BNC2: variants seen among roughly 807,000 people sequenced by gnomAD.
BNC2 encodes the protein zinc finger protein basonuclin-2.
Under a neutral mutation model 76.3 loss-of-function variants are expected in BNC2, and 20 were observed. The ratio of observed to expected loss-of-function variants is 0.26; its 90% CI spans 0.18 to 0.38. The LOEUF is 0.38. BNC2 is among the 10% of genes least tolerant of loss of function. The probability of loss-of-function intolerance (pLI) is 1.00; values close to 1 mark genes in which losing one functional copy is unlikely to be tolerated. For synonymous variants in BNC2, 582 were observed against 514.8 expected (o/e 1.13, Z -1.77); for missense variants, 1,382 against 1,399.8 (o/e 0.99, Z 0.20).
chr9:16,746,984 T>C (rs1980936), intron 1 of BNC2, among the ~76,000 whole-genome samples: 2 of 149,918 alleles, frequency 1.3e-5, no homozygotes, highest in Non-Finnish European at 3.0e-5. Flanking sequence ...AATTAATCCA[T>C]GTAATTGAAA....
intron 6 of BNC2, among the ~76,000 whole-genome samples, chr9:16,425,797 G>A (rs963876206): frequency 1.3e-5 from 2 of 152,202 alleles, no homozygotes; most frequent in African/African-American, 2.4e-5. Flanking sequence ...AAAACAATTT[G>A]TCATTGCTGT....
chr9:16,833,883 C>T (rs1818640702), intron 1 of BNC2, among the ~76,000 whole-genome samples: 1 of 152,162 alleles, frequency 6.6e-6, no homozygotes, highest in Admixed American at 6.6e-5. Flanking sequence ...CAGCATTACT[C>T]TACTAGGTTC....
chr9:16,721,562 C>T (rs1824158189), intron 3 of BNC2, among the ~76,000 whole-genome samples: 1 of 152,152 alleles, frequency 6.6e-6, no homozygotes, highest in Admixed American at 6.5e-5. Context: ...CACTGAGCAG[C>T]ACCATAAACA....
chr9:16,692,939 G>A (rs1032032304), intron 3 of BNC2, among the ~76,000 whole-genome samples: 1 of 152,004 alleles, frequency 6.6e-6, no homozygotes, highest in Non-Finnish European at 1.5e-5. Context: ...ACACTAGCCT[G>A]GCCGACATGG....
At chr9:16,459,177 G>T (rs1887620) in intron 5 of BNC2, among the ~76,000 whole-genome samples, 45,198 of 152,032 alleles carry the variant, frequency 0.3, 6,864 homozygotes, top group Admixed American at 0.38. Flanking sequence ...AGAATTCAGT[G>T]TCATGAATCG....
intron 6 of BNC2, among the ~76,000 whole-genome samples, chr9:16,434,104 G>A (rs1820956231): frequency 6.6e-6 from 1 of 151,924 alleles, no homozygotes; most frequent in African/African-American, 2.4e-5. Flanking sequence ...AAATGGGGGT[G>A]GGAAAATCAT....
chr9:16,542,646 C>T (rs1818359261), intron 5 of BNC2, among the ~76,000 whole-genome samples: 2 of 152,212 alleles, frequency 1.3e-5, no homozygotes, highest in African/African-American at 4.8e-5. Context: ...TCAGACAAAT[C>T]AAGAAGAGCT....
chr9:16,670,563 T>C (rs1038043118), intron 3 of BNC2, among the ~76,000 whole-genome samples: 2 of 152,214 alleles, frequency 1.3e-5, no homozygotes, highest in Non-Finnish European at 2.9e-5. Context: ...ATAACTGTTT[T>C]ATGCTTTAGT....
intron 5 of BNC2, among the ~76,000 whole-genome samples, chr9:16,458,512 G>T (rs982868536): frequency 2.0e-5 from 3 of 152,166 alleles, no homozygotes; most frequent in African/African-American, 7.2e-5. Context: ...CTACAAATAT[G>T]ATATACCCTA....
chr9:16,683,265 G>A (rs1018476635), intron 3 of BNC2, among the ~76,000 whole-genome samples: 5 of 152,126 alleles, frequency 3.3e-5, no homozygotes, highest in African/African-American at 9.7e-5. Flanking sequence ...AGGTTTAAAA[G>A]GAAGAAGGCA....
At chr9:16,480,776 T>C (rs1002801988) in intron 5 of BNC2, among the ~76,000 whole-genome samples, 1 of 152,210 alleles carries the variant, frequency 6.6e-6, no homozygotes, top group Non-Finnish European at 1.5e-5. Flanking sequence ...CAGTCCGCCA[T>C]GCCTGAGCCT....
At chr9:16,506,575 G>C (rs1408445946) in intron 5 of BNC2, among the ~76,000 whole-genome samples, 5 of 122,916 alleles carry the variant, frequency 4.1e-5, no homozygotes, top group African/African-American at 9.6e-5. Flanking sequence ...CCCAGGCTTG[G>C]AATGCAATGG....
chr9:16,578,741 G>T (rs1819552447), intron 4 of BNC2, among the ~76,000 whole-genome samples: 1 of 152,062 alleles, frequency 6.6e-6, no homozygotes, highest in South Asian at 2.1e-4. Flanking sequence ...ACCAAAAAGA[G>T]CTCTAAAAAA....
chr9:16,854,642 G>GA lies in BNC2; in HGVS notation c.3+16003dup, dbSNP rs1188446895. ...GGCAGTAGCATGAGGTATCCCCCAA[G>GA]AAAATTTGAAACGAGTGAAATGAGA... On this transcript the variant is annotated intron_variant, in intron 1 of 6. Transcript: ENST00000380672. Among the ~76,000 whole-genome samples, 10 of 151,874 alleles carry GA rather than the reference G, an allele frequency of 6.6e-5. No individual in the cohort carries two copies. The South Asian group carries it at 2.1e-3, about 32-fold the overall frequency.
At chr9:16,469,963 C>T (rs373511087) in intron 5 of BNC2, among the ~76,000 whole-genome samples, 1 of 150,606 alleles carries the variant, frequency 6.6e-6, no homozygotes, top group African/African-American at 2.4e-5. Flanking sequence ...CAGCAAAGCA[C>T]TCAACACTTG....
chr9:16,811,276 C>A (rs1252249262), intron 1 of BNC2, among the ~76,000 whole-genome samples: 2 of 145,694 alleles, frequency 1.4e-5, no homozygotes, highest in East Asian at 2.0e-4. Flanking sequence ...GGGGGCCAGG[C>A]ACGGTGGCTC....
chr9:16,812,166 T>TTA (rs1818070510), intron 1 of BNC2, among the ~76,000 whole-genome samples: 1 of 152,198 alleles, frequency 6.6e-6, no homozygotes, highest in Non-Finnish European at 1.5e-5. Flanking sequence ...GCACAGATCC[T>TTA]CAGTCTCTGG....
At chr9:16,720,331 G>C (rs10962550) in intron 3 of BNC2, among the ~76,000 whole-genome samples, 29,633 of 152,210 alleles carry the variant, frequency 0.19, 2,866 homozygotes, top group East Asian at 0.29. Flanking sequence ...CAGAATGAGA[G>C]AGATGAGAAG....
intron 6 of BNC2, among the ~76,000 whole-genome samples, chr9:16,427,688 G>C (rs1017734446): frequency 6.6e-5 from 10 of 152,160 alleles, no homozygotes; most frequent in Non-Finnish European, 1.2e-4. Context: ...TCAAATCCCA[G>C]TCACGCATGA....
Sources: allele counts gnomAD v4.1 joint callset (sites outside exome capture counted in the v4.1 genomes callset), GRCh38; gene constraint gnomAD v4.1.1; transcripts MANE v1.5; gene names NCBI Gene and HGNC (gene_info 2026-07-23, HGNC 2026-07-21).